Variants in PAX6 observed in about 807,000 individuals in gnomAD.
The protein encoded by PAX6 is paired box protein Pax-6.
PAX6 carries 7 observed loss-of-function variants against 60.7 expected under a neutral mutation model. That is an observed-to-expected ratio of 0.12 (90% CI 0.07 to 0.22). The LOEUF is 0.22. PAX6 is among the 10% of genes least tolerant of loss of function. The pLI is 1.00. For synonymous variants in PAX6, 208 were observed against 201.2 expected, an observed-to-expected ratio of 1.03 and a Z score of -0.29; for missense variants, 355 against 555.2, an observed-to-expected ratio of 0.64 and a Z score of 3.62.
upstream of PAX6, chr11:31,811,495 G>T (rs1439099971): frequency 6.3e-6 from 2 of 315,426 alleles, no homozygotes; most frequent in Non-Finnish European, 1.2e-5. Context: ...TCTCCCCGGC[G>T]CAGGGCCCCC....
chr11:31,801,102 G>A, intron 7 of PAX6: 2 of 775,856 alleles, frequency 2.6e-6, no homozygotes, highest in Non-Finnish European at 4.0e-6. Context: ...GGTGTCTCTG[G>A]TGACCTAACT....
intron 7 of PAX6, 47 bp downstream of exon 7, chr11:31,801,514 A>T (rs1163584372): frequency 1.2e-6 from 2 of 1,613,308 alleles, no homozygotes; most frequent in Non-Finnish European, 1.7e-6. Context: ...AAGAGGAGAG[A>T]GCATTGGGCT....
chr11:31,796,972 C>G (rs960242458), intron 8 of PAX6, among the ~76,000 whole-genome samples: 1 of 152,132 alleles, frequency 6.6e-6, no homozygotes, highest in Non-Finnish European at 1.5e-5. Flanking sequence ...TTTCCGGGGA[C>G]TTTTCAAAGC....
chr11:31,813,413 C>A (rs1170422620), upstream of PAX6, among the ~76,000 whole-genome samples: 6 of 144,300 alleles, frequency 4.2e-5, no homozygotes, highest in Non-Finnish European at 9.1e-5. Context: ...GTGATTCTGT[C>A]CGAACTGGAG....
intron 13 of PAX6, 21 bp from the exon 14 acceptor site, chr11:31,790,040 T>C: frequency 6.6e-6 from 9 of 1,360,850 alleles, no homozygotes; most frequent in South Asian, 1.2e-5. Flanking sequence ...ATGAAAGAAA[T>C]AGCCATGTAG....
chr11:31,793,934 G>A (rs1021107666), intron 10 of PAX6, 98 bp downstream of exon 10: 14 of 1,263,820 alleles, frequency 1.1e-5, no homozygotes, highest in Non-Finnish European at 1.6e-5. Context: ...TATTATATTA[G>A]TCCTATAAAT....
At chr11:31,800,416 T>G in intron 8 of PAX6, 1 of 562,862 alleles carries the variant, frequency 1.8e-6, no homozygotes, top group Non-Finnish European at 3.2e-6. Flanking sequence ...CTCGTTCTTA[T>G]GCACACAGTG....
intron 8 of PAX6, among the ~76,000 whole-genome samples, chr11:31,798,829 G>T (rs1024206278): frequency 6.6e-6 from 1 of 152,204 alleles, no homozygotes; most frequent in African/African-American, 2.4e-5. Context: ...ACGAAAATCC[G>T]CCCGAATCGG....
At chr11:31,815,253 T>C (rs1957322348), upstream of PAX6, among the ~76,000 whole-genome samples, 1 of 151,928 alleles carries the variant, frequency 6.6e-6, no homozygotes, top group Non-Finnish European at 1.5e-5. Flanking sequence ...GCAAATAGGG[T>C]TCCTAGAAAA....
intron 5 of PAX6, 80 bp from the exon 6 acceptor site, chr11:31,801,992 C>T: frequency 9.1e-7 from 1 of 1,097,850 alleles, no homozygotes; most frequent in Non-Finnish European, 1.4e-6. Flanking sequence ...ATTTGTAGCC[C>T]TAAAAACTAC....
At position 31,800,831 on chromosome 11, in the gene PAX6, C is replaced by T. The variant is rs1592531953; in HGVS notation, c.425G>A (p.Arg142His). 6.2e-7 allele frequency: 1 copy of T among 1,614,106 alleles called. No homozygotes were observed. Among genetic ancestry groups the T allele is most frequent in the Non-Finnish European group, 8.5e-7 (1 of 1,180,026 alleles). Residue 142 changes from arginine to histidine, a missense_variant, in exon 8 of 14, where the codon CGC becomes CAC. Transcript: ENST00000640368. ...CTGTTGCTTTTCGCTAGCCAGGTTG[C>T]GAAGAACTCTGTTTATTGATGACAC... ...PSVSSINRVLRNLASEKQQMG... is the reference protein window; with the variant it reads ...PSVSSINRVLHNLASEKQQMG...
rs1437226850 is a variant in PAX6 at position 31,806,441 on chromosome 11, C to T, written c.-30G>A. On this transcript the variant is annotated 5_prime_UTR_variant, in exon 4 of 14. An upstream open reading frame in the 5' UTR gains an earlier in-frame stop. Transcript: ENST00000640368. ...GCTCTGGCTGGGGGCCGCGGGATTCCACGGGGCTCGAATATGGGGCTCTGT... is the reference window on the plus strand; with the variant it reads ...GCTCTGGCTGGGGGCCGCGGGATTCTACGGGGCTCGAATATGGGGCTCTGT... 1.2e-6 allele frequency: 2 copies of T among 1,606,660 alleles called. No homozygotes were observed. The highest frequency in any genetic ancestry group is 1.7e-5 in the Admixed American group (1 of 59,324).
At chr11:31,801,183 C>A in intron 7 of PAX6, 1 of 1,204,198 alleles carries the variant, frequency 8.3e-7, no homozygotes, top group Non-Finnish European at 1.1e-6. Flanking sequence ...GTAAAGCTTT[C>A]TTTCATTATA....
intron 7 of PAX6, chr11:31,801,288 C>G (rs1953746969): frequency 1.4e-6 from 2 of 1,403,188 alleles, no homozygotes; most frequent in African/African-American, 2.9e-5. Context: ...TCTCATTTTC[C>G]TTCTTCATTC....
Position 31,803,029 on chromosome 11 carries a change from C to T in PAX6, c.11-195G>A, listed in dbSNP as rs3026371. 0.062 allele frequency: 40,490 copies of T among 652,740 alleles called. 1,965 individuals carry two copies. The highest frequency in any genetic ancestry group is 0.16 in the East Asian group (5,855 of 36,172). 40.4% of individuals were successfully genotyped at this position (652,740 alleles called of 1,614,324 possible). A position where few individuals can be genotyped will look rare whatever the true frequency, so the allele number is the denominator to read the frequency against. On this transcript the variant is annotated intron_variant, in intron 4 of 13. Transcript: ENST00000640368. ...TCATCCCCCTGCCAACCTGTGCCAACCTCGGCGGTCAGTTCCCTGCTATCG... is the reference window on the plus strand; with the variant it reads ...TCATCCCCCTGCCAACCTGTGCCAATCTCGGCGGTCAGTTCCCTGCTATCG...
At chr11:31,810,792 A>T (rs1956913240) in intron 2 of PAX6, 36 bp downstream of exon 2, 1 of 398,990 alleles carries the variant, frequency 2.5e-6, no homozygotes, top group Non-Finnish European at 4.4e-6. Context: ...TGAATATTGC[A>T]ATAAAAATAA....
In PAX6 at chr11:31,816,570, C is replaced by T. The variant is rs770808568; in HGVS notation, c.-317+1239G>A. 7.1e-6 allele frequency: 5 copies of T among 702,632 alleles called. No individual in the cohort carries two copies. The South Asian group carries it at 7.4e-5, about 10-fold the overall frequency. The allele number at this position is 702,632 out of a possible 1,614,324, so 43.5% of individuals were successfully genotyped here. On this transcript the variant is annotated intron_variant, in intron 1 of 12. Transcript: ENST00000241001. ...GGAGGAGAAGGTCCACTTCCCACTG[C>T]GAAGCAGGCGACCTGCTCGCCGCCC... is the stretch of plus-strand genomic sequence containing the variant.
intron 8 of PAX6, among the ~76,000 whole-genome samples, chr11:31,797,860 G>T (rs1282066528): frequency 3.9e-5 from 6 of 152,048 alleles, no homozygotes; most frequent in Admixed American, 3.9e-4. Flanking sequence ...CAAAGCAGGG[G>T]CCTTCAGTGG....
intron 4 of PAX6, 41 bp downstream of exon 4, chr11:31,806,361 C>CA: frequency 6.3e-7 from 1 of 1,596,598 alleles, no homozygotes; most frequent in Non-Finnish European, 8.5e-7. Flanking sequence ...CGGGTCCGCG[C>CA]ACCCCGAGCC....
Sources: allele counts gnomAD v4.1 joint callset (sites outside exome capture counted in the v4.1 genomes callset), GRCh38; gene constraint gnomAD v4.1.1; transcripts MANE v1.5; gene names NCBI Gene and HGNC (gene_info 2026-07-23, HGNC 2026-07-21).